The following CCBE1 variants were observed in gnomAD, a reference collection of about 807,000 sequenced individuals.
CCBE1 encodes collagen and calcium binding EGF domains 1, also known as collagen and calcium-binding EGF domain-containing protein 1.
In CCBE1, 37 loss-of-function variants were observed where a neutral mutation model predicts 50.0. That is an observed-to-expected ratio of 0.74 (90% CI 0.57 to 0.97). The LOEUF (loss-of-function observed/expected upper bound fraction) is 0.97. Among genes scored for constraint, CCBE1 ranks in the 50% least tolerant of loss-of-function variants. The pLI, the probability that CCBE1 is intolerant of heterozygous loss-of-function variation, is 0.00. For missense variants in CCBE1, 538 were observed against 523.8 expected (o/e 1.03, Z -0.26); for synonymous variants, 234 against 203.7 (o/e 1.15, Z -1.27).
chr18:59,536,763 G>A (rs1042601706), intron 2 of CCBE1, among the ~76,000 whole-genome samples: 1 of 152,142 alleles, frequency 6.6e-6, no homozygotes, highest in African/African-American at 2.4e-5. Flanking sequence ...GCCGAGGTGG[G>A]CAGATCACGA....
At chr18:59,627,585 A>G (rs1000521207) in intron 2 of CCBE1, among the ~76,000 whole-genome samples, 6 of 152,196 alleles carry the variant, frequency 3.9e-5, no homozygotes, top group Admixed American at 1.3e-4. Flanking sequence ...AATCCAATGA[A>G]TAGTGTCATA....
chr18:59,466,285 G>C (rs562515148), intron 5 of CCBE1, among the ~76,000 whole-genome samples: 1 of 152,008 alleles, frequency 6.6e-6, no homozygotes, highest in African/African-American at 2.4e-5. Flanking sequence ...TCTCATGACA[G>C]TGTATAAGTC....
intron 2 of CCBE1, among the ~76,000 whole-genome samples, chr18:59,552,706 T>C (rs543609545): frequency 2.2e-4 from 34 of 152,344 alleles, no homozygotes; most frequent in African/African-American, 7.7e-4. Flanking sequence ...AATTCATTTA[T>C]CATAATGTGA....
At chr18:59,613,638 G>T (rs542730231) in intron 2 of CCBE1, among the ~76,000 whole-genome samples, 2 of 151,906 alleles carry the variant, frequency 1.3e-5, no homozygotes, top group Non-Finnish European at 2.9e-5. Context: ...AGTGGCTCAC[G>T]CCTGTAATCC....
chr18:59,619,873 A>G (rs1416438616), intron 2 of CCBE1, among the ~76,000 whole-genome samples: 1 of 152,176 alleles, frequency 6.6e-6, no homozygotes, highest in African/African-American at 2.4e-5. Flanking sequence ...AACCATTTTT[A>G]TAAACTCCTA....
At chr18:59,513,192 C>T (rs1435649193) in intron 2 of CCBE1, among the ~76,000 whole-genome samples, 2 of 152,160 alleles carry the variant, frequency 1.3e-5, no homozygotes, top group African/African-American at 2.4e-5. Flanking sequence ...CCTGTAGTCC[C>T]AGCTACTCGG....
chr18:59,503,832 C>T (rs142104965), intron 2 of CCBE1, among the ~76,000 whole-genome samples: 1 of 152,330 alleles, frequency 6.6e-6, no homozygotes. Context: ...CAGTCACATA[C>T]CAAATGTCTA....
chr18:59,550,637 A>G (rs143760601), intron 2 of CCBE1, among the ~76,000 whole-genome samples: 100 of 152,308 alleles, frequency 6.6e-4, no homozygotes, highest in African/African-American at 2.4e-3. Flanking sequence ...ACGTTAGAAC[A>G]TTAGCAGCTC....
intron 2 of CCBE1, among the ~76,000 whole-genome samples, chr18:59,589,042 ACAG>A (rs1222606818): frequency 1.3e-5 from 2 of 152,202 alleles, no homozygotes; most frequent in African/African-American, 4.8e-5. Context: ...TTCCAGTAGC[ACAG>A]CATCTTAGCA....
At chr18:59,617,975 G>T (rs1373357420) in intron 2 of CCBE1, among the ~76,000 whole-genome samples, 5 of 152,170 alleles carry the variant, frequency 3.3e-5, no homozygotes, top group Non-Finnish European at 5.9e-5. Flanking sequence ...CTCAAAGTAA[G>T]ATTTGAGGAC....
chr18:59,636,779 C>T (rs576513424), intron 2 of CCBE1, among the ~76,000 whole-genome samples: 27 of 152,288 alleles, frequency 1.8e-4, no homozygotes, highest in African/African-American at 5.5e-4. Context: ...AAAAAAGAAT[C>T]TGTTTATACA....
chr18:59,579,241 G>T (rs1421156333), intron 2 of CCBE1, among the ~76,000 whole-genome samples: 1 of 152,098 alleles, frequency 6.6e-6, no homozygotes, highest in Non-Finnish European at 1.5e-5. Context: ...GCTAAAAGTA[G>T]CTGGGAAAAC....
chr18:59,510,986 C>T (rs1163310231), intron 2 of CCBE1, among the ~76,000 whole-genome samples: 1 of 152,164 alleles, frequency 6.6e-6, no homozygotes, highest in Admixed American at 6.5e-5. Context: ...TCATTAGTAC[C>T]AGCCCCATTC....
At chr18:59,514,055 T>C (rs1487711086) in intron 2 of CCBE1, among the ~76,000 whole-genome samples, 1 of 152,162 alleles carries the variant, frequency 6.6e-6, no homozygotes, top group Non-Finnish European at 1.5e-5. Flanking sequence ...TTTACTATCC[T>C]TTCCAATGAA....
chr18:59,453,407 G>A (rs1911032190), intron 6 of CCBE1, among the ~76,000 whole-genome samples: 1 of 152,188 alleles, frequency 6.6e-6, no homozygotes, highest in African/African-American at 2.4e-5. Context: ...TGTTTATAGT[G>A]ATAGACAAGG....
At chr18:59,601,939 C>T (rs563046244) in intron 2 of CCBE1, among the ~76,000 whole-genome samples, 56 of 152,234 alleles carry the variant, frequency 3.7e-4, no homozygotes, top group African/African-American at 1.3e-3. Flanking sequence ...CTTTGCCCAT[C>T]TTTAAATGAT....
intron 2 of CCBE1, among the ~76,000 whole-genome samples, chr18:59,600,165 G>A (rs1451544873): frequency 6.6e-6 from 1 of 152,154 alleles, no homozygotes; most frequent in Non-Finnish European, 1.5e-5. Flanking sequence ...ACCGGGCTGT[G>A]GGCAAGTGAG....
At chr18:59,470,497 A>G (rs1467770409) in intron 3 of CCBE1, among the ~76,000 whole-genome samples, 1 of 152,172 alleles carries the variant, frequency 6.6e-6, no homozygotes, top group Admixed American at 6.5e-5. Context: ...ATACTGTATA[A>G]GTGTGCATCC....
Position 59,442,894 on chromosome 18 carries a change from T to G in CCBE1, c.776-3078A>C, listed in dbSNP as rs879148639. On this transcript the variant is annotated intron_variant, in intron 7 of 10. Transcript: ENST00000439986. ...CCCTTTACATGGGGTGAGTGCTCTC[T>G]GGTTTGGTTCAGTTCCCTTGTTTCT... 7.9e-5 allele frequency among the ~76,000 whole-genome samples: 12 copies of G among 152,342 alleles called. No homozygotes were observed. In the South Asian group the frequency reaches 2.5e-3, roughly 32 times the overall value.
Sources: allele counts gnomAD v4.1 joint callset (sites outside exome capture counted in the v4.1 genomes callset), GRCh38; gene constraint gnomAD v4.1.1; transcripts MANE v1.5; gene names NCBI Gene and HGNC (gene_info 2026-07-23, HGNC 2026-07-21).